The following TANC2 variants were observed in gnomAD, a reference collection of about 807,000 sequenced individuals.
TANC2 encodes the protein tetratricopeptide repeat, ankyrin repeat and coiled-coil containing 2.
Under a neutral mutation model 210.5 loss-of-function variants are expected in TANC2, and 26 were observed. The ratio of observed to expected loss-of-function variants is 0.12; its 90% CI spans 0.09 to 0.17. TANC2 has a LOEUF of 0.17. TANC2 is among the 10% of genes least tolerant of loss of function. TANC2 has a pLI of 1.00. For missense variants in TANC2, 2,129 were observed against 2,608.9 expected (o/e 0.82, Z 4.01); for synonymous variants, 931 against 967.1 (o/e 0.96, Z 0.69).
At chr17:63,025,660 G>A (rs1164560798) in intron 2 of TANC2, among the ~76,000 whole-genome samples, 1 of 151,860 alleles carries the variant, frequency 6.6e-6, no homozygotes, top group Non-Finnish European at 1.5e-5. Flanking sequence ...GCTGAGTGTG[G>A]TGGCACACAT....
chr17:63,184,952 A>G (rs2040925759), intron 5 of TANC2, among the ~76,000 whole-genome samples: 1 of 148,266 alleles, frequency 6.7e-6, no homozygotes, highest in Admixed American at 6.7e-5. Context: ...TTTTGAAACT[A>G]TCTTCTTTTG....
intron 14 of TANC2, among the ~76,000 whole-genome samples, chr17:63,369,184 A>G (rs1413330857): frequency 2.0e-5 from 3 of 152,198 alleles, no homozygotes; most frequent in African/African-American, 7.2e-5. Flanking sequence ...AATTAATCTT[A>G]CTGAAAATAC....
intron 2 of TANC2, among the ~76,000 whole-genome samples, chr17:63,071,984 T>C (rs185027593): frequency 2.6e-5 from 4 of 152,282 alleles, no homozygotes; most frequent in East Asian, 1.9e-4. Flanking sequence ...ACCATGAGTT[T>C]CAGTGTTCTC....
At chr17:63,297,232 G>A (rs2146460404) in intron 9 of TANC2, among the ~76,000 whole-genome samples, 1 of 152,258 alleles carries the variant, frequency 6.6e-6, no homozygotes. Context: ...AAATTCACAT[G>A]GACTTGCAAG....
At chr17:62,997,548 G>T (rs1036879587) in intron 1 of TANC2, among the ~76,000 whole-genome samples, 3 of 152,074 alleles carry the variant, frequency 2.0e-5, no homozygotes, top group African/African-American at 4.8e-5. Flanking sequence ...AATTATTATT[G>T]TGGAGAAAAT....
chr17:63,170,422 C>T (rs1473628953), intron 5 of TANC2, among the ~76,000 whole-genome samples: 7 of 143,868 alleles, frequency 4.9e-5, no homozygotes, highest in Non-Finnish European at 6.0e-5. Flanking sequence ...GGCAACAGAG[C>T]GAGATTCCAT....
At position 63,243,415 on chromosome 17, in the gene TANC2, G is replaced by A. The variant is rs539789384; in HGVS notation, c.1033+5338G>A. Among the ~76,000 whole-genome samples, 3 of 152,234 alleles carry A rather than the reference G, an allele frequency of 2.0e-5. No homozygotes were observed. In the South Asian group the frequency reaches 6.2e-4, roughly 32 times the overall value. On this transcript the variant is annotated intron_variant, in intron 8 of 27. Coordinates refer to ENST00000689528, the Ensembl canonical transcript of TANC2. Reference sequence around the variant, plus strand: ...TTTATGAGAAGACAGATAAAATAAAGTTTTATCAGTTTTATTCATAATATC... The same window carrying A: ...TTTATGAGAAGACAGATAAAATAAAATTTTATCAGTTTTATTCATAATATC...
chr17:63,408,461 C>T (rs2048587694), intron 21 of TANC2, among the ~76,000 whole-genome samples: 1 of 152,208 alleles, frequency 6.6e-6, no homozygotes, highest in Admixed American at 6.5e-5. Flanking sequence ...ATCAGTTCAT[C>T]TGTAATGTAC....
chr17:63,309,117 A>G (rs1653975640), intron 9 of TANC2, among the ~76,000 whole-genome samples: 1 of 152,196 alleles, frequency 6.6e-6, no homozygotes, highest in Non-Finnish European at 1.5e-5. Context: ...TAGATACACC[A>G]TAGTTTACTA....
At chr17:63,210,384 G>A (rs968518431) in intron 7 of TANC2, among the ~76,000 whole-genome samples, 4 of 152,176 alleles carry the variant, frequency 2.6e-5, no homozygotes, top group Admixed American at 6.5e-5. Context: ...TCATGAAGCA[G>A]ACTCTGATTA....
chr17:63,000,959 T>C (rs1475990151), intron 1 of TANC2, among the ~76,000 whole-genome samples: 1 of 127,238 alleles, frequency 7.9e-6, no homozygotes, highest in Non-Finnish European at 1.6e-5. Context: ...AAAAAAGTTT[T>C]AGAACTAGCA....
At chr17:62,986,799 G>A (rs76947161) in intron 1 of TANC2, among the ~76,000 whole-genome samples, 4,230 of 152,144 alleles carry the variant, frequency 0.028, 77 homozygotes, top group South Asian at 0.037. Flanking sequence ...ATGCAGATGC[G>A]TGATTGCTTG....
chr17:63,411,402 TC>T (rs955109238), intron 21 of TANC2, 108 bp from the exon 22 acceptor site: 17 of 1,085,944 alleles, frequency 1.6e-5, no homozygotes, highest in Non-Finnish European at 1.8e-5. Context: ...ATGGAAATAG[TC>T]CAGAAACGAG....
At chr17:63,250,158 T>A (rs1209347164) in intron 8 of TANC2, among the ~76,000 whole-genome samples, 1 of 152,178 alleles carries the variant, frequency 6.6e-6, no homozygotes, top group Admixed American at 6.5e-5. Context: ...GATTTACTTT[T>A]TAAAGCTTTT....
At chr17:63,360,601 C>G (rs2046928712) in intron 14 of TANC2, among the ~76,000 whole-genome samples, 1 of 151,916 alleles carries the variant, frequency 6.6e-6, no homozygotes, top group African/African-American at 2.4e-5. Context: ...GGTAAAATAT[C>G]CATCACCTCA....
intron 4 of TANC2, among the ~76,000 whole-genome samples, chr17:63,119,421 C>G (rs2038376455): frequency 6.6e-6 from 1 of 152,068 alleles, no homozygotes; most frequent in African/African-American, 2.4e-5. Context: ...GTTTAGAAAG[C>G]CTTTAAATAG....
intron 4 of TANC2, among the ~76,000 whole-genome samples, chr17:63,140,677 T>C (rs1483628846): frequency 6.6e-6 from 1 of 152,244 alleles, no homozygotes; most frequent in Admixed American, 6.5e-5. Context: ...CAGTGCTATT[T>C]ACTGCCGTTT....
intron 2 of TANC2, among the ~76,000 whole-genome samples, chr17:63,014,256 T>C (rs2034008771): frequency 2.0e-5 from 3 of 152,224 alleles, no homozygotes; most frequent in Admixed American, 1.3e-4. Context: ...GAGACATTGT[T>C]CTCATATTTA....
intron 1 of TANC2, among the ~76,000 whole-genome samples, chr17:62,970,077 C>A (rs376011968): frequency 6.6e-6 from 1 of 152,192 alleles, no homozygotes. Context: ...AATGGAACAT[C>A]ATCTTTCACA....
Sources: gnomAD v4.1 joint callset for allele counts (sites outside exome capture counted in the v4.1 genomes callset) on GRCh38, gnomAD v4.1.1 for gene constraint, MANE v1.5 for transcripts, NCBI Gene and HGNC (gene_info 2026-07-23, HGNC 2026-07-21) for gene names.